Variants in TAF4 observed in about 807,000 individuals in gnomAD.
TAF4 encodes TATA-box binding protein associated factor 4.
A neutral mutation model predicts 90.3 loss-of-function variants in TAF4; 9 were observed. That is an observed-to-expected ratio of 0.10 (90% CI 0.06 to 0.17). TAF4 has a LOEUF of 0.17. Among genes scored for constraint, TAF4 ranks in the 10% least tolerant of loss-of-function variants. The probability of loss-of-function intolerance (pLI) is 1.00; values close to 1 mark genes in which losing one functional copy is unlikely to be tolerated. For synonymous variants in TAF4, 818 were observed against 638.9 expected (o/e 1.28, Z -4.23); for missense variants, 1,351 against 1,370.7 (o/e 0.99, Z 0.23).
In TAF4 at chr20:61,998,903, C is replaced by G. The variant is rs76357719; in HGVS notation, c.2913+80G>C. On this transcript the variant is annotated intron_variant, in intron 12 of 14. Coordinates refer to ENST00000252996, the MANE Select transcript of TAF4 (RefSeq NM_003185.4). Reference sequence around the variant, plus strand: ...CAAAACATGCTCTGACCACCCAAAACCCCACTGTCTCAGTGAGCTCATCAG... The same window carrying G: ...CAAAACATGCTCTGACCACCCAAAAGCCCACTGTCTCAGTGAGCTCATCAG... The G allele has an allele frequency of 4.7e-4, 739 of 1,559,914 alleles. 6 individuals carry two copies. The African/African-American group carries it at 9.3e-3, about 20-fold the overall frequency.
intron 6 of TAF4, 108 bp downstream of exon 6, chr20:62,007,439 C>T: frequency 3.8e-6 from 4 of 1,046,404 alleles, no homozygotes; most frequent in Non-Finnish European, 5.8e-6. Context: ...AGCACAAGCG[C>T]TGTGCACCCT....
chr20:62,064,842 C>T lies in TAF4; in HGVS notation c.969G>A (p.Ala323=). 1.0e-5 allele frequency: 10 copies of T among 966,836 alleles called. No individual in the cohort carries two copies. The highest frequency in any genetic ancestry group is 1.2e-5 in the Non-Finnish European group (10 of 819,296). The allele number at this position is 966,836 out of a possible 1,614,324, so 59.9% of individuals were successfully genotyped here. Residue 323 remains alanine, a synonymous_variant, in exon 1 of 15, where the codon GCG becomes GCA. Transcript: ENST00000252996. Reference sequence around the variant, plus strand: ...CGGGCCCGGGTTGGCCGCTGACCCCCGCGGGGCCCCCGGCGGCCGGGGCGG... The same window carrying T: ...CGGGCCCGGGTTGGCCGCTGACCCCTGCGGGGCCCCCGGCGGCCGGGGCGG... ...PAPAPAAGGP[A]GVSGQPGPGA... is the part of the protein sequence containing the mutation.
rs573037909 is a variant in TAF4 at position 62,064,426 on chromosome 20, C to T, written c.1360+25G>A. ...CTGGCGCTGCTGGGAGCCGCCCTTC[C>T]CTCCCGCCCCGTGCGGCCACTCACC... On this transcript the variant is annotated intron_variant, in intron 1 of 14. Coordinates refer to ENST00000252996, the MANE Select transcript of TAF4 (RefSeq NM_003185.4). 7.7e-6 allele frequency: 10 copies of T among 1,293,968 alleles called. No homozygotes were observed. The African/African-American group carries it at 9.2e-5, about 12-fold the overall frequency. The allele number at this position is 1,293,968 out of a possible 1,614,324, so 80.2% of individuals were successfully genotyped here.
intron 14 of TAF4, among the ~76,000 whole-genome samples, chr20:61,984,495 C>T (rs1212405384): frequency 1.4e-5 from 2 of 145,738 alleles, no homozygotes; most frequent in Admixed American, 7.1e-5. Flanking sequence ...GATGTGCACA[C>T]GAGAGAGGGT....
intron 14 of TAF4, among the ~76,000 whole-genome samples, chr20:61,982,888 C>A (rs1219646508): frequency 6.6e-6 from 1 of 152,140 alleles, no homozygotes; most frequent in African/African-American, 2.4e-5. Context: ...CCTGCACCCC[C>A]CTCCCCACCC....
chr20:62,045,339 C>T (rs1242334727), intron 1 of TAF4, among the ~76,000 whole-genome samples: 2 of 152,252 alleles, frequency 1.3e-5, no homozygotes, highest in Admixed American at 6.5e-5. Context: ...CTGCCCGCTC[C>T]TCTCTACCCT....
intron 1 of TAF4, among the ~76,000 whole-genome samples, chr20:62,036,862 T>C (rs939582306): frequency 2.0e-5 from 3 of 152,210 alleles, no homozygotes; most frequent in African/African-American, 7.2e-5. Context: ...GCGGGGGGAC[T>C]TTGGGGGCCC....
rs79043604 is a variant in TAF4 at position 62,037,521 on chromosome 20, T to C, written c.1361-22814A>G. 2.2e-3 allele frequency: 343 copies of C among 152,610 alleles called. 3 individuals carry two copies. The highest frequency in any genetic ancestry group is 3.4e-3 in the Middle Eastern group (1 of 298). 9.5% of individuals were successfully genotyped at this position (152,610 alleles called of 1,614,324 possible). ...CTCACCTGGCTTGGGAACAAGTGTC[T>C]TTACCGTGAGGATCGTCTCAATGTG... On this transcript the variant is annotated intron_variant, in intron 1 of 14. Transcript: ENST00000252996.
At chr20:62,055,900 C>A (rs2145519227) in intron 1 of TAF4, among the ~76,000 whole-genome samples, 1 of 152,338 alleles carries the variant, frequency 6.6e-6, no homozygotes, top group South Asian at 2.1e-4. Context: ...AACCCTGGTA[C>A]CCTCATCAGC....
chr20:62,055,298 C>T (rs1463439636), intron 1 of TAF4, among the ~76,000 whole-genome samples: 4 of 149,960 alleles, frequency 2.7e-5, no homozygotes, highest in African/African-American at 9.8e-5. Flanking sequence ...TGCCTGCGGG[C>T]GGTCCTGCAA....
At chr20:61,994,109 A>G (rs1600831629) in intron 14 of TAF4, among the ~76,000 whole-genome samples, 1 of 151,232 alleles carries the variant, frequency 6.6e-6, no homozygotes, top group African/African-American at 2.4e-5. Flanking sequence ...AATCCAGGAA[A>G]AAAAAAAAAG....
At chr20:61,979,244 G>T (rs978525993) in intron 14 of TAF4, 2 of 152,816 alleles carry the variant, frequency 1.3e-5, no homozygotes, top group African/African-American at 4.8e-5. Flanking sequence ...CCCCTCACGG[G>T]CTGTGCCCAT....
chr20:61,984,426 G>A (rs1486961909), intron 14 of TAF4, among the ~76,000 whole-genome samples: 12 of 152,210 alleles, frequency 7.9e-5, no homozygotes, highest in Non-Finnish European at 1.3e-4. Context: ...CCAACAGCAC[G>A]AAGACACACG....
chr20:61,982,201 C>CAGAGA (rs1568920695), intron 14 of TAF4, among the ~76,000 whole-genome samples: 2 of 109,726 alleles, frequency 1.8e-5, no homozygotes, highest in African/African-American at 3.5e-5. Flanking sequence ...CACACCCCAC[C>CAGAGA]CGAGAGGAGA....
intron 1 of TAF4, among the ~76,000 whole-genome samples, chr20:62,015,803 C>T (rs1485010720): frequency 6.6e-6 from 1 of 152,222 alleles, no homozygotes; most frequent in Admixed American, 6.5e-5. Flanking sequence ...CGCTGGGGCA[C>T]TCTCAGGGCT....
intron 1 of TAF4, among the ~76,000 whole-genome samples, chr20:62,017,511 G>C (rs2055818787): frequency 6.6e-6 from 1 of 152,054 alleles, no homozygotes; most frequent in East Asian, 1.9e-4. Flanking sequence ...GCCAGGCATG[G>C]TGGCGGGCCC....
intron 14 of TAF4, among the ~76,000 whole-genome samples, chr20:61,985,924 G>GCACCATCCCCGACCAAAGGAAA (rs879660929): frequency 0.11 from 11,940 of 113,274 alleles, 1,660 homozygotes; most frequent in East Asian, 0.42. Flanking sequence ...ACCAAAGGAA[G>GCACCATCCCCGACCAAAGGAAA]CACCATCCCC....
Position 62,006,872 on chromosome 20 carries a change from G to C in TAF4, c.1975-114C>G. On this transcript the variant is annotated intron_variant, in intron 6 of 14. Transcript: ENST00000252996. This position sits in a 1 kb window ranked among gnomAD's most constrained non-coding sequence, Gnocchi z 7.0. Reference sequence around the variant, plus strand: ...GAAAGCTTTTGAGCTAAGTAAGATGGATCTTGGCCCTCACGGCAGCATGTC... The same window carrying C: ...GAAAGCTTTTGAGCTAAGTAAGATGCATCTTGGCCCTCACGGCAGCATGTC... 1 of 1,341,588 alleles carries C rather than the reference G, an allele frequency of 7.5e-7. No individual in the cohort carries two copies. The highest frequency in any genetic ancestry group is 9.7e-7 in the Non-Finnish European group (1 of 1,033,602). 83.1% of individuals were successfully genotyped at this position (1,341,588 alleles called of 1,614,324 possible).
chr20:62,064,889 T>G lies in TAF4; in HGVS notation c.922A>C (p.Ser308Arg). 1 of 853,226 alleles carries G rather than the reference T, an allele frequency of 1.2e-6. No individual in the cohort carries two copies. Among genetic ancestry groups the G allele is most frequent in the Non-Finnish European group, 1.4e-6 (1 of 718,918 alleles). The allele number at this position is 853,226 out of a possible 1,614,324, so 52.9% of individuals were successfully genotyped here. A position where few individuals can be genotyped will look rare whatever the true frequency, so the allele number is the denominator to read the frequency against. Residue 308 changes from serine to arginine, a missense_variant, in exon 1 of 15, where the codon AGC (serine) becomes CGC (arginine). Physicochemically the swap from Ser to Arg is moderately radical, Grantham distance 110. This residue lies in a region of TAF4 where 782 missense variants were observed against 536.6 expected (regional missense o/e 1.46). Coordinates refer to ENST00000252996, the MANE Select transcript of TAF4 (RefSeq NM_003185.4). ...PPPAAAQNGG[S>R]AGAAPAPAPA... The stretch of plus-strand genomic sequence containing the variant: ...GCGGGGGCGGGGGCTGCCCCGGCGC[T>G]GCCCCCGTTCTGGGCGGCGGCGGGG...
Sources: allele counts gnomAD v4.1 joint callset (sites outside exome capture counted in the v4.1 genomes callset), GRCh38; gene constraint gnomAD v4.1.1; regional missense constraint gnomAD v4.1.1; non-coding constraint Gnocchi (gnomAD v3.1); transcripts MANE v1.5; gene names NCBI Gene and HGNC (gene_info 2026-07-23, HGNC 2026-07-21).